AXIN2: variants seen among roughly 807,000 people sequenced by gnomAD.
AXIN2 encodes axin 2, also known as axin-2.
AXIN2 carries 21 observed loss-of-function variants against 74.7 expected under a neutral mutation model. That is an observed-to-expected ratio of 0.28 (90% confidence interval 0.20 to 0.40). AXIN2 has a LOEUF of 0.40. Ranked by LOEUF, AXIN2 falls within the 10% of genes least tolerant of loss-of-function variation. The pLI is 1.00. For synonymous variants in AXIN2, 532 were observed against 454.9 expected, an observed-to-expected ratio of 1.17 and a Z score of -2.16; for missense variants, 1,144 against 1,111.1, an observed-to-expected ratio of 1.03 and a Z score of -0.42.
rs886053285 is a variant in AXIN2, at chr17:65,561,514, A to C, written c.-181T>G. On this transcript the variant is annotated 5_prime_UTR_variant, in exon 1 of 11. Transcript: ENST00000307078. ...GGCGGCCCCGAAATCCATCGCTCTG[A>C]GGGGTTATTTTTATTTCCCGGCTCT... 36 of 150,338 alleles carry C rather than the reference A, an allele frequency of 2.4e-4. No individual in the cohort carries two copies. The highest frequency in any genetic ancestry group is 8.5e-4 in the African/African-American group (35 of 41,266). 9.3% of individuals were successfully genotyped at this position (150,338 alleles called of 1,614,324 possible). A position where few individuals can be genotyped will look rare whatever the true frequency, so the allele number is the denominator to read the frequency against.
At chr17:65,534,666 C>T (rs911445363) in intron 9 of AXIN2, among the ~76,000 whole-genome samples, 14 of 152,096 alleles carry the variant, frequency 9.2e-5, no homozygotes, top group African/African-American at 2.9e-4. Flanking sequence ...TGGTGGCTCA[C>T]GCCTGTAATC....
At chr17:65,531,128 G>T (rs955889503) in intron 10 of AXIN2, among the ~76,000 whole-genome samples, 1 of 151,984 alleles carries the variant, frequency 6.6e-6, no homozygotes. Flanking sequence ...CCCCTGGGGG[G>T]ATGGGAGAAC....
At chr17:65,547,843 AAG>A (rs2044137958) in intron 3 of AXIN2, among the ~76,000 whole-genome samples, 1 of 152,208 alleles carries the variant, frequency 6.6e-6, no homozygotes, top group African/African-American at 2.4e-5. Flanking sequence ...GAAAAGAGAA[AAG>A]AGAAACTTTT....
rs7219582 is a variant in AXIN2 at position 65,537,305 on chromosome 17, C to T, written c.1712+19G>A. The T allele has an allele frequency of 1.2e-6, 2 of 1,613,404 alleles. No individual in the cohort carries two copies. Among genetic ancestry groups the T allele is most frequent in the East Asian group, 2.2e-5 (1 of 44,818 alleles). Reference sequence around the variant, plus strand: ...GAGACAAGCCCCACACGGGACACTGCGGTCCGCCCGGCACTTACCCAAACT... The same window carrying T: ...GAGACAAGCCCCACACGGGACACTGTGGTCCGCCCGGCACTTACCCAAACT... On this transcript the variant is annotated intron_variant, in intron 6 of 10. Coordinates refer to ENST00000307078, the MANE Select transcript of AXIN2 (RefSeq NM_004655.4).
chr17:65,552,810 C>T (rs929764910), intron 2 of AXIN2, among the ~76,000 whole-genome samples: 2 of 152,164 alleles, frequency 1.3e-5, no homozygotes, highest in Admixed American at 6.5e-5. Context: ...GGGTGGATCA[C>T]CTGAGGTCGG....
At chr17:65,540,777 C>T (rs915979306) in intron 4 of AXIN2, among the ~76,000 whole-genome samples, 1 of 152,188 alleles carries the variant, frequency 6.6e-6, no homozygotes, top group African/African-American at 2.4e-5. Context: ...CTCTCCTTCC[C>T]CTTGCGCATC....
rs187274855 is a variant in AXIN2 at position 65,529,476 on chromosome 17, A to C, written c.*500T>G. 7.0e-4 allele frequency: 198 copies of C among 283,334 alleles called. 1 individual carries two copies. In the Admixed American group the frequency reaches 8.4e-3, roughly 12 times the overall value. 17.6% of individuals were successfully genotyped at this position (283,334 alleles called of 1,614,324 possible). On this transcript the variant is annotated 3_prime_UTR_variant, in exon 11 of 11. Transcript: ENST00000307078. ...AAGCATAATTCCTCTGTTAGTGAAG[A>C]AACCATGAACGCACTCCTAGCTCAA... is the stretch of plus-strand genomic sequence containing the variant.
At position 65,551,437 on chromosome 17, in the gene AXIN2, G is replaced by A. The variant is rs544361133; in HGVS notation, c.816-1777C>T. Among the ~76,000 whole-genome samples, 6 of 152,296 alleles carry A rather than the reference G, an allele frequency of 3.9e-5. No homozygotes were observed. The South Asian group carries it at 1.2e-3, about 32-fold the overall frequency. On this transcript the variant is annotated intron_variant, in intron 2 of 10. Coordinates refer to ENST00000307078, the MANE Select transcript of AXIN2 (RefSeq NM_004655.4). ...GGTCATAGTCCTGTCTTAACTGGAT[G>A]GGGAGGGGCCAGGAGGCCAGGGGAC...
chr17:65,533,625 A>T (rs2043859343), intron 10 of AXIN2, among the ~76,000 whole-genome samples: 1 of 152,138 alleles, frequency 6.6e-6, no homozygotes, highest in Non-Finnish European at 1.5e-5. Context: ...TGTCGGTGCA[A>T]GCAGCTGCTC....
At position 65,545,516 on chromosome 17, in the gene AXIN2, C is replaced by T. The variant is rs533786611; in HGVS notation, c.957-3959G>A. ...CATCCTGGCCAACATGGTGAAGCCC[C>T]GTCTCAACTAAAAATAGAAAAATTA... On this transcript the variant is annotated intron_variant, in intron 3 of 10. Coordinates refer to ENST00000307078, the MANE Select transcript of AXIN2 (RefSeq NM_004655.4). Among the ~76,000 whole-genome samples, 124 of 152,184 alleles carry T rather than the reference C, an allele frequency of 8.1e-4. 1 individual carries two copies. The highest frequency in any genetic ancestry group is 2.6e-3 in the African/African-American group (106 of 41,516).
intron 3 of AXIN2, among the ~76,000 whole-genome samples, chr17:65,545,448 A>G (rs4791170): frequency 0.9 from 136,401 of 152,170 alleles, 61,155 homozygotes; most frequent in Middle Eastern, 0.96. Flanking sequence ...CCACCACTTT[A>G]GGAGGCCGAG....
At position 65,536,534 on chromosome 17, in the gene AXIN2, C is replaced by A. The variant is rs748005374; in HGVS notation, c.1927G>T (p.Ala643Ser). 16 of 1,613,628 alleles carry A rather than the reference C, an allele frequency of 9.9e-6. No individual in the cohort carries two copies. The highest frequency in any genetic ancestry group is 9.9e-5 in the South Asian group (9 of 91,094). The change falls in exon 8 of 11, where the codon GCC becomes TCC. Residue 643 changes from alanine to serine, a missense_variant. Around this residue, in one of 4 missense-constraint regions of AXIN2, gnomAD observed 1,053 missense variants for 973.5 expected, o/e 1.08. Transcript: ENST00000307078. ...KPHSAQSTKKAYPLESARSSP... is the reference protein window; with the variant it reads ...KPHSAQSTKKSYPLESARSSP... ...GAGCGGGCAGACTCCAAGGGGTAGG[C>A]CTTTTTTGTGCTTTGGGCACTAAAC...
rs776035442 is a variant in AXIN2 at position 65,529,388 on chromosome 17, T to G, written c.*588A>C. The G allele has an allele frequency of 4.1e-6, 1 of 241,778 alleles. No homozygotes were observed. Among genetic ancestry groups the G allele is most frequent in the Non-Finnish European group, 8.1e-6 (1 of 123,410 alleles). 15.0% of individuals were successfully genotyped at this position (241,778 alleles called of 1,614,324 possible). On this transcript the variant is annotated 3_prime_UTR_variant, in exon 11 of 11. Coordinates refer to ENST00000307078, the MANE Select transcript of AXIN2 (RefSeq NM_004655.4). ...CACCAATTTCTGCATGTGTCAATGGTAGGGCACCATTTTAAAAAGTCTGTC... is the reference window on the plus strand; with the variant it reads ...CACCAATTTCTGCATGTGTCAATGGGAGGGCACCATTTTAAAAAGTCTGTC...
At position 65,541,026 on chromosome 17, in the gene AXIN2, G is replaced by A. The variant is rs147498245; in HGVS notation, c.1059+429C>T. Among the ~76,000 whole-genome samples the A allele has an allele frequency of 2.3e-3, 352 of 152,138 alleles. 2 individuals are homozygous for A. The highest frequency in any genetic ancestry group is 8.1e-3 in the African/African-American group (337 of 41,504). ...CAAGTAGCTGGGACTACAGGCGCAC[G>A]TCACCACGCTAGGCTAATTTTTGTA... On this transcript the variant is annotated intron_variant, in intron 4 of 10. Transcript: ENST00000307078.
chr17:65,530,928 G>A (rs975690236), intron 10 of AXIN2, among the ~76,000 whole-genome samples: 5 of 152,196 alleles, frequency 3.3e-5, no homozygotes, highest in African/African-American at 1.2e-4. Context: ...CCTCTCAGGA[G>A]TGCCACATTC....
chr17:65,550,315 TCTCC>T (rs2044172984), intron 2 of AXIN2, among the ~76,000 whole-genome samples: 1 of 152,020 alleles, frequency 6.6e-6, no homozygotes, highest in South Asian at 2.1e-4. Flanking sequence ...CCCAGCTTCC[TCTCC>T]CCAGGACTGG....
chr17:65,541,118 T>C (rs1254395185), intron 4 of AXIN2, among the ~76,000 whole-genome samples: 18 of 152,138 alleles, frequency 1.2e-4, no homozygotes, highest in Admixed American at 1.2e-3. Context: ...CCTCAGGTGA[T>C]CTGCCCACCT....
chr17:65,559,525 A>C (rs1053591305), intron 1 of AXIN2: 1 of 150,614 alleles, frequency 6.6e-6, no homozygotes, highest in Non-Finnish European at 1.5e-5. Flanking sequence ...CTCAGGGGAG[A>C]CTTTCATCTT....
intron 10 of AXIN2, among the ~76,000 whole-genome samples, chr17:65,532,034 G>A (rs1372774350): frequency 6.6e-6 from 1 of 152,164 alleles, no homozygotes; most frequent in Non-Finnish European, 1.5e-5. Context: ...TCCTACCCCA[G>A]GAGGACACTG....
Sources: allele counts gnomAD v4.1 joint callset (sites outside exome capture counted in the v4.1 genomes callset), GRCh38; gene constraint gnomAD v4.1.1; regional missense constraint gnomAD v4.1.1; transcripts MANE v1.5; gene names NCBI Gene and HGNC (gene_info 2026-07-23, HGNC 2026-07-21).